The following DNAJC1 variants were observed in gnomAD, a reference collection of about 807,000 sequenced individuals.
DNAJC1 encodes dnaJ homolog subfamily C member 1.
Under a neutral mutation model 76.6 loss-of-function variants are expected in DNAJC1, and 58 were observed. That is an observed-to-expected ratio of 0.76 (90% CI 0.61 to 0.94). The LOEUF (loss-of-function observed/expected upper bound fraction) is 0.94, where lower values mean the gene tolerates loss of function less well. Ranked by LOEUF, DNAJC1 falls within the 40% of genes least tolerant of loss-of-function variation. DNAJC1 has a pLI of 0.00. For synonymous variants in DNAJC1, 258 were observed against 267.9 expected, an observed-to-expected ratio of 0.96 and a Z score of 0.36; for missense variants, 689 against 677.3, an observed-to-expected ratio of 1.02 and a Z score of -0.19.
At chr10:21,937,397 G>A (rs2131790978) in intron 1 of DNAJC1, among the ~76,000 whole-genome samples, 1 of 152,088 alleles carries the variant, frequency 6.6e-6, no homozygotes, top group Non-Finnish European at 1.5e-5. Flanking sequence ...CGACAAAAAG[G>A]TCAATCCATC....
intron 1 of DNAJC1, among the ~76,000 whole-genome samples, chr10:21,939,943 C>CAA (rs374955734): frequency 9.5e-4 from 67 of 70,228 alleles, no homozygotes; most frequent in South Asian, 4.6e-3. Context: ...AAACCTCTCT[C>CAA]AAAAAAAAAA....
At chr10:21,964,642 T>C (rs976779177) in intron 1 of DNAJC1, among the ~76,000 whole-genome samples, 2 of 152,200 alleles carry the variant, frequency 1.3e-5, no homozygotes, top group East Asian at 1.9e-4. Flanking sequence ...AAACTTTGCA[T>C]CTGCTAATCA....
chr10:21,770,264 G>A (rs1834356917), intron 9 of DNAJC1, among the ~76,000 whole-genome samples: 1 of 152,070 alleles, frequency 6.6e-6, no homozygotes, highest in South Asian at 2.1e-4. Context: ...GACTGATGCT[G>A]AGCATTTTTT....
intron 1 of DNAJC1, among the ~76,000 whole-genome samples, chr10:21,980,285 G>A (rs7912711): frequency 0.083 from 12,604 of 151,980 alleles, 1,212 homozygotes; most frequent in African/African-American, 0.24. Flanking sequence ...GTAATTTTAC[G>A]GTGGAGAAAC....
At chr10:21,800,976 A>C (rs1176454975) in intron 9 of DNAJC1, among the ~76,000 whole-genome samples, 4 of 152,192 alleles carry the variant, frequency 2.6e-5, no homozygotes. Flanking sequence ...AAAAACATAT[A>C]AGTATGGAAT....
intron 8 of DNAJC1, among the ~76,000 whole-genome samples, chr10:21,846,133 A>C (rs184106315): frequency 1.1e-4 from 17 of 152,322 alleles, no homozygotes; most frequent in African/African-American, 3.6e-4. Flanking sequence ...AGTAAATGGG[A>C]AATAATAATA....
intron 9 of DNAJC1, among the ~76,000 whole-genome samples, chr10:21,777,988 G>A (rs1834475002): frequency 6.6e-6 from 1 of 152,204 alleles, no homozygotes; most frequent in African/African-American, 2.4e-5. Flanking sequence ...AGGAGTTCAA[G>A]ACCAGCCTGG....
At chr10:21,836,422 A>G (rs1476026141) in intron 8 of DNAJC1, among the ~76,000 whole-genome samples, 1 of 152,180 alleles carries the variant, frequency 6.6e-6, no homozygotes, top group African/African-American at 2.4e-5. Flanking sequence ...GCATCAACTA[A>G]CGAGCAACAT....
chr10:21,822,902 T>C (rs925603270), intron 8 of DNAJC1, among the ~76,000 whole-genome samples: 3 of 151,402 alleles, frequency 2.0e-5, no homozygotes, highest in Non-Finnish European at 4.4e-5. Flanking sequence ...TATTATCTAG[T>C]AGCAAAGTCC....
intron 9 of DNAJC1, among the ~76,000 whole-genome samples, chr10:21,771,950 T>A (rs1225537020): frequency 6.6e-6 from 1 of 152,212 alleles, no homozygotes; most frequent in South Asian, 2.1e-4. Flanking sequence ...TGTTTGTTTG[T>A]TTGTTTTTAG....
intron 7 of DNAJC1, among the ~76,000 whole-genome samples, chr10:21,898,611 G>A (rs1836587506): frequency 6.7e-6 from 1 of 150,056 alleles, no homozygotes; most frequent in Admixed American, 6.6e-5. Flanking sequence ...GGAGTGCAAT[G>A]GCGCGATCTT....
Position 21,929,020 on chromosome 10 carries a change from T to C in DNAJC1, c.324+20A>G, listed in dbSNP as rs757820216. The C allele has an allele frequency of 5.6e-6, 8 of 1,440,256 alleles. No homozygotes were observed. The highest frequency in any genetic ancestry group is 7.7e-6 in the Non-Finnish European group (8 of 1,034,584). 89.2% of individuals were successfully genotyped at this position (1,440,256 alleles called of 1,614,324 possible). On this transcript the variant is annotated intron_variant, in intron 2 of 11. Coordinates refer to ENST00000376980, the MANE Select transcript of DNAJC1 (RefSeq NM_022365.4). Reference sequence around the variant, plus strand: ...ATACATTTGTCACAAAATATATATATAATAGCATATTTCACTTACTTGTCT... The same window carrying C: ...ATACATTTGTCACAAAATATATATACAATAGCATATTTCACTTACTTGTCT...
At chr10:21,882,482 A>ATTT in intron 7 of DNAJC1, 43 bp from the exon 8 acceptor site, 1 of 1,255,728 alleles carries the variant, frequency 8.0e-7, no homozygotes, top group African/African-American at 1.6e-5. Flanking sequence ...ATTTTTAAAG[A>ATTT]ATAAAATTAA....
chr10:21,819,404 A>T (rs1835121796), intron 8 of DNAJC1, among the ~76,000 whole-genome samples: 1 of 151,800 alleles, frequency 6.6e-6, no homozygotes. Flanking sequence ...TCCGTCTCAA[A>T]AAAAAAAAGT....
chr10:21,879,723 C>T (rs539836651), intron 8 of DNAJC1, among the ~76,000 whole-genome samples: 13 of 152,296 alleles, frequency 8.5e-5, no homozygotes, highest in African/African-American at 3.1e-4. Context: ...AAACAATGTA[C>T]ATAATTTAAA....
chr10:21,842,856 G>C (rs1835595565), intron 8 of DNAJC1, among the ~76,000 whole-genome samples: 1 of 152,186 alleles, frequency 6.6e-6, no homozygotes, highest in African/African-American at 2.4e-5. Context: ...ATTAGGAACA[G>C]TAAAATCTAC....
intron 8 of DNAJC1, among the ~76,000 whole-genome samples, chr10:21,841,110 G>T (rs1430450085): frequency 6.6e-6 from 1 of 152,154 alleles, no homozygotes; most frequent in Non-Finnish European, 1.5e-5. Flanking sequence ...ATTCAAGATG[G>T]ATTAAAGATT....
chr10:21,997,522 A>AG (rs1311150167), intron 1 of DNAJC1, among the ~76,000 whole-genome samples: 7 of 152,190 alleles, frequency 4.6e-5, no homozygotes, highest in Non-Finnish European at 8.8e-5. Flanking sequence ...CTTCCTAATC[A>AG]AGCAAAACAG....
At chr10:21,816,690 C>T (rs555115729) in intron 8 of DNAJC1, among the ~76,000 whole-genome samples, 19 of 150,856 alleles carry the variant, frequency 1.3e-4, no homozygotes, top group East Asian at 2.1e-4. Context: ...GAACTACAGG[C>T]GCCACCCACC....
Sources: gnomAD v4.1 joint callset for allele counts (sites outside exome capture counted in the v4.1 genomes callset) on GRCh38, gnomAD v4.1.1 for gene constraint, MANE v1.5 for transcripts, NCBI Gene and HGNC (gene_info 2026-07-23, HGNC 2026-07-21) for gene names.